Variants in CTNNA3 observed in about 807,000 individuals in gnomAD.
CTNNA3 encodes the protein catenin alpha 3, also known as catenin alpha-3.
In CTNNA3, 76 loss-of-function variants were observed where a neutral mutation model predicts 95.7. That is an observed-to-expected ratio of 0.79 (90% CI 0.66 to 0.96). The LOEUF (loss-of-function observed/expected upper bound fraction) is 0.96. CTNNA3 is among the 40% of genes least tolerant of loss of function. CTNNA3 has a pLI of 0.00. For synonymous variants in CTNNA3, 431 were observed against 374.4 expected (o/e 1.15, Z -1.74); for missense variants, 1,191 against 1,089.8 (o/e 1.09, Z -1.31).
At chr10:66,546,571 A>G (rs1842041425) in intron 10 of CTNNA3, among the ~76,000 whole-genome samples, 1 of 152,086 alleles carries the variant, frequency 6.6e-6, no homozygotes, top group Admixed American at 6.6e-5. Flanking sequence ...GAAACTTACA[A>G]ATATGGTGGA....
At chr10:67,326,033 A>C (rs1220556765) in intron 5 of CTNNA3, among the ~76,000 whole-genome samples, 1 of 152,080 alleles carries the variant, frequency 6.6e-6, no homozygotes, top group Non-Finnish European at 1.5e-5. Flanking sequence ...GTTTTGTCAG[A>C]CACTAGGATT....
At chr10:67,527,470 A>T (rs2133173980) in intron 4 of CTNNA3, among the ~76,000 whole-genome samples, 1 of 152,336 alleles carries the variant, frequency 6.6e-6, no homozygotes, top group Non-Finnish European at 1.5e-5. Context: ...ACCAGAAGCA[A>T]TAGCCAACAT....
intron 8 of CTNNA3, among the ~76,000 whole-genome samples, chr10:66,773,177 C>T (rs987313434): frequency 5.9e-5 from 9 of 152,128 alleles, no homozygotes; most frequent in African/African-American, 1.7e-4. Context: ...TTCATCAAAA[C>T]GGAAGATCAT....
chr10:66,851,037 C>T (rs1229982495), intron 7 of CTNNA3, among the ~76,000 whole-genome samples: 2 of 152,132 alleles, frequency 1.3e-5, no homozygotes, highest in African/African-American at 4.8e-5. Context: ...ACATTTAATG[C>T]CCTGTGAAAG....
intron 6 of CTNNA3, among the ~76,000 whole-genome samples, chr10:67,200,119 A>G (rs1290867694): frequency 6.6e-6 from 1 of 152,110 alleles, no homozygotes; most frequent in African/African-American, 2.4e-5. Context: ...AACAGGAGAG[A>G]TATATTGGGT....
intron 13 of CTNNA3, among the ~76,000 whole-genome samples, chr10:66,221,707 T>A (rs2088938287): frequency 6.6e-6 from 1 of 152,226 alleles, no homozygotes; most frequent in Admixed American, 6.5e-5. Flanking sequence ...GCTAGATGAA[T>A]GAATGAATGA....
intron 11 of CTNNA3, among the ~76,000 whole-genome samples, chr10:66,488,084 C>A (rs1417558981): frequency 2.0e-5 from 3 of 152,150 alleles, no homozygotes; most frequent in Non-Finnish European, 4.4e-5. Flanking sequence ...TCGAATTCTG[C>A]CACCCCTCCA....
At chr10:66,725,124 AG>A in intron 9 of CTNNA3, among the ~76,000 whole-genome samples, 1 of 152,292 alleles carries the variant, frequency 6.6e-6, no homozygotes, top group African/African-American at 2.4e-5. Flanking sequence ...TGCATTGTAT[AG>A]GGAATAATGA....
At chr10:66,084,393 A>G (rs969034752) in intron 14 of CTNNA3, among the ~76,000 whole-genome samples, 8 of 150,860 alleles carry the variant, frequency 5.3e-5, no homozygotes, top group Admixed American at 5.3e-4. Context: ...ATTAAAAACT[A>G]AAAAAAAAGA....
At chr10:66,244,660 C>T (rs1194955472) in intron 13 of CTNNA3, among the ~76,000 whole-genome samples, 2 of 152,188 alleles carry the variant, frequency 1.3e-5, no homozygotes, top group East Asian at 1.9e-4. Context: ...ATTTATGAGG[C>T]TGCAATAACC....
intron 7 of CTNNA3, among the ~76,000 whole-genome samples, chr10:66,962,407 T>C (rs1849160623): frequency 5.0e-5 from 7 of 139,728 alleles, no homozygotes. Context: ...TTGTTTTTTG[T>C]TTTTGTTTTT....
intron 14 of CTNNA3, among the ~76,000 whole-genome samples, chr10:66,071,640 C>T (rs2080436337): frequency 6.6e-6 from 1 of 152,114 alleles, no homozygotes; most frequent in Non-Finnish European, 1.5e-5. Context: ...CTATCGCTGT[C>T]TACCTTTGAA....
intron 1 of CTNNA3, among the ~76,000 whole-genome samples, chr10:67,721,718 T>C (rs527998274): frequency 6.6e-6 from 1 of 152,268 alleles, no homozygotes; most frequent in East Asian, 1.9e-4. Flanking sequence ...GGAGTTGTGA[T>C]CCTTTGGAGG....
intron 5 of CTNNA3, among the ~76,000 whole-genome samples, chr10:67,464,553 C>A (rs1847509481): frequency 6.6e-6 from 1 of 152,102 alleles, no homozygotes; most frequent in Admixed American, 6.6e-5. Context: ...GAGTATTAAA[C>A]CTCTTTGAAG....
At chr10:66,452,574 T>C (rs1434875464) in intron 11 of CTNNA3, among the ~76,000 whole-genome samples, 2 of 152,140 alleles carry the variant, frequency 1.3e-5, no homozygotes. Flanking sequence ...CCTCATTGCT[T>C]GGAGATCAGA....
At chr10:65,992,471 C>T (rs1443681179) in intron 15 of CTNNA3, among the ~76,000 whole-genome samples, 2 of 149,960 alleles carry the variant, frequency 1.3e-5, no homozygotes, top group Non-Finnish European at 3.0e-5. Flanking sequence ...ACTTGATCTT[C>T]GTAGGTTTTG....
chr10:67,713,311 T>C (rs1192304978), intron 1 of CTNNA3, among the ~76,000 whole-genome samples: 2 of 152,112 alleles, frequency 1.3e-5, no homozygotes, highest in Non-Finnish European at 2.9e-5. Context: ...TGTGGAGAAA[T>C]AGGAATGCTT....
intron 1 of CTNNA3, among the ~76,000 whole-genome samples, chr10:67,738,160 A>G (rs1438636266): frequency 2.0e-5 from 3 of 152,196 alleles, no homozygotes; most frequent in Non-Finnish European, 4.4e-5. Context: ...AGGAAACAAC[A>G]CAACACCAGG....
chr10:67,308,266 A>T (rs918747042), intron 5 of CTNNA3, among the ~76,000 whole-genome samples: 3 of 152,140 alleles, frequency 2.0e-5, no homozygotes, highest in Non-Finnish European at 4.4e-5. Context: ...CATAATACCC[A>T]TGTGTCATCG....
Sources: gnomAD v4.1 joint callset for allele counts (sites outside exome capture counted in the v4.1 genomes callset) on GRCh38, gnomAD v4.1.1 for gene constraint, MANE v1.5 for transcripts, NCBI Gene and HGNC (gene_info 2026-07-23, HGNC 2026-07-21) for gene names.